TMEM164: variants seen among roughly 807,000 people sequenced by gnomAD.
TMEM164 encodes RP13-360B22.2.
TMEM164 carries 4 observed loss-of-function variants against 18.8 expected under a neutral mutation model. The observed-to-expected ratio is 0.21, with a 90% CI of 0.10 to 0.49. The LOEUF (loss-of-function observed/expected upper bound fraction) is 0.49. TMEM164 is among the 20% of genes least tolerant of loss of function. TMEM164 has a pLI of 0.98. For synonymous variants in TMEM164, 86 were observed against 101.7 expected (o/e 0.85, Z 0.93); for missense variants, 108 against 239.9 (o/e 0.45, Z 3.63).
intron 5 of TMEM164, 31 bp downstream of exon 5, chrX:110,144,907 C>A (rs754414494): frequency 1.8e-6 from 2 of 1,108,177 alleles, no homozygotes; most frequent in South Asian, 2.0e-5. Context: ...TCCTATGTAA[C>A]CCCCACACCT....
At chrX:110,149,897 G>A (rs757122109) in intron 5 of TMEM164, among the ~76,000 whole-genome samples, 132 of 111,598 alleles carry the variant, frequency 1.2e-3, no homozygotes, top group African/African-American at 4.1e-3. Flanking sequence ...CCTGCCTCCT[G>A]TATGCAATGC....
chrX:110,126,612 CT>C (rs2066532618), intron 4 of TMEM164, among the ~76,000 whole-genome samples: 2 of 111,597 alleles, frequency 1.8e-5, no homozygotes, highest in Admixed American at 1.9e-4. Context: ...TCTGTCCTGT[CT>C]TTTAGCCCTT....
At chrX:110,050,177 C>G (rs756164153) in intron 2 of TMEM164, among the ~76,000 whole-genome samples, 194 of 111,785 alleles carry the variant, frequency 1.7e-3, no homozygotes, top group African/African-American at 5.8e-3. Context: ...AACCAAATGA[C>G]TATAGAGGGA....
At position 110,175,932 on chromosome X, in the gene TMEM164, G is replaced by T. The variant is rs1313229506; in HGVS notation, c.*2481G>T. The T allele has an allele frequency of 3.0e-5, 23 of 754,432 alleles. No homozygotes were observed. Among genetic ancestry groups the T allele is most frequent in the Non-Finnish European group, 3.6e-5 (23 of 639,359 alleles). The allele number at this position is 754,432 out of a possible 1,213,427, so 62.2% of individuals were successfully genotyped here. On this transcript the variant is annotated 3_prime_UTR_variant, in exon 7 of 7. Coordinates refer to ENST00000372068, the MANE Select transcript of TMEM164 (RefSeq NM_032227.4). ...ACCTTATAGGGTAGCCCTCATATCT[G>T]CCCTGTGCCGGCCCTCTACTGCCCC...
At chrX:110,096,530 A>T (rs756714248) in intron 3 of TMEM164, among the ~76,000 whole-genome samples, 2 of 112,694 alleles carry the variant, frequency 1.8e-5, no homozygotes, top group East Asian at 5.6e-4. Flanking sequence ...TGCTAAGACC[A>T]TTGGAAAAGC....
intron 2 of TMEM164, among the ~76,000 whole-genome samples, chrX:110,040,419 C>A (rs1315461899): frequency 1.8e-5 from 2 of 111,649 alleles, no homozygotes; most frequent in African/African-American, 6.5e-5. Context: ...GAACCAGTGT[C>A]ATGGTCTCCC....
chrX:110,068,853 A>T (rs1347879099), intron 3 of TMEM164, among the ~76,000 whole-genome samples: 1 of 111,570 alleles, frequency 9.0e-6, no homozygotes, highest in African/African-American at 3.3e-5. Context: ...ACATACACAC[A>T]CAAGTTTTGG....
intron 2 of TMEM164, among the ~76,000 whole-genome samples, chrX:110,033,519 C>A (rs981764693): frequency 8.9e-6 from 1 of 111,837 alleles, no homozygotes; most frequent in Admixed American, 9.5e-5. Flanking sequence ...ATTTGTAGTT[C>A]CCCTGGGGAA....
At chrX:110,119,513 G>C (rs374923551) in intron 4 of TMEM164, among the ~76,000 whole-genome samples, 8 of 111,914 alleles carry the variant, frequency 7.1e-5, no homozygotes, top group African/African-American at 2.6e-4. Context: ...AACATTGTTT[G>C]TTACATATTC....
Position 110,175,904 on chromosome X carries a change from C to T in TMEM164, c.*2453C>T. 1 of 755,890 alleles carries T rather than the reference C, an allele frequency of 1.3e-6. No individual in the cohort carries two copies. Among genetic ancestry groups the T allele is most frequent in the Non-Finnish European group, 1.6e-6 (1 of 639,796 alleles). The allele number at this position is 755,890 out of a possible 1,213,427, so 62.3% of individuals were successfully genotyped here. A position where few individuals can be genotyped will look rare whatever the true frequency, so the allele number is the denominator to read the frequency against. ...CTTGGCAGCCTGCCTTACAGGGTAG[C>T]CCACCTTATAGGGTAGCCCTCATAT... On this transcript the variant is annotated 3_prime_UTR_variant, in exon 7 of 7. Coordinates refer to ENST00000372068, the MANE Select transcript of TMEM164 (RefSeq NM_032227.4).
At chrX:110,139,839 G>T (rs1410564090) in intron 4 of TMEM164, among the ~76,000 whole-genome samples, 1 of 110,773 alleles carries the variant, frequency 9.0e-6, no homozygotes, top group Non-Finnish European at 1.9e-5. Flanking sequence ...TGTAGGTCCT[G>T]GTGAAGTGGG....
At chrX:110,073,211 G>A (rs1222721714) in intron 3 of TMEM164, among the ~76,000 whole-genome samples, 2 of 110,262 alleles carry the variant, frequency 1.8e-5, no homozygotes, top group Non-Finnish European at 3.8e-5. Flanking sequence ...AATTATTTTA[G>A]TTTTTGTAGA....
At chrX:110,062,208 T>G (rs1936151416) in intron 2 of TMEM164, among the ~76,000 whole-genome samples, 1 of 112,213 alleles carries the variant, frequency 8.9e-6, no homozygotes, top group Admixed American at 9.5e-5. Context: ...AATATATAAA[T>G]AGCTCTTTAC....
At chrX:110,036,599 A>G (rs1204550445) in intron 2 of TMEM164, among the ~76,000 whole-genome samples, 1 of 112,306 alleles carries the variant, frequency 8.9e-6, no homozygotes, top group African/African-American at 3.2e-5. Context: ...CGATGTTGCA[A>G]TTACCTGTGA....
chrX:110,077,740 C>T (rs1251121171), intron 3 of TMEM164, among the ~76,000 whole-genome samples: 1 of 111,520 alleles, frequency 9.0e-6, no homozygotes, highest in African/African-American at 3.3e-5. Context: ...ATATGAAATT[C>T]TTGTTTGGAA....
rs746018725 is a variant in TMEM164 at position 110,092,659 on chromosome X, A to G, written c.441-16421A>G. On this transcript the variant is annotated intron_variant, in intron 3 of 6. Coordinates refer to ENST00000372068, the MANE Select transcript of TMEM164 (RefSeq NM_032227.4). ...ATACAATCATGTCATCTGCAAACAG[A>G]GACAATTTGACTTCCTCTTTTCCTA... 2.5e-3 allele frequency among the ~76,000 whole-genome samples: 274 copies of G among 111,785 alleles called. 1 individual carries two copies. The highest frequency in any genetic ancestry group is 0.011 in the South Asian group (30 of 2,680).
chrX:110,008,568 C>T (rs1020740230), intron 2 of TMEM164, among the ~76,000 whole-genome samples: 16 of 111,144 alleles, frequency 1.4e-4, no homozygotes, highest in African/African-American at 5.2e-4. Flanking sequence ...GTTTGTTTCT[C>T]CCCCCAAGGA....
intron 4 of TMEM164, among the ~76,000 whole-genome samples, chrX:110,118,838 G>C (rs1222766991): frequency 9.0e-6 from 1 of 111,715 alleles, no homozygotes; most frequent in Non-Finnish European, 1.9e-5. Flanking sequence ...ATTGTGAATT[G>C]ACTTGTAGAA....
chrX:110,100,041 G>A (rs772808855), intron 3 of TMEM164, among the ~76,000 whole-genome samples: 2 of 111,999 alleles, frequency 1.8e-5, no homozygotes, highest in East Asian at 2.8e-4. Context: ...TGTTGACTTC[G>A]CATCCTGTGA....
Sources: allele counts gnomAD v4.1 joint callset (sites outside exome capture counted in the v4.1 genomes callset), GRCh38; gene constraint gnomAD v4.1.1; transcripts MANE v1.5; gene names NCBI Gene and HGNC (gene_info 2026-07-23, HGNC 2026-07-21).